The following IL1RAPL2 variants were observed in gnomAD, a reference collection of about 807,000 sequenced individuals.
The protein encoded by IL1RAPL2 is interleukin 1 receptor accessory protein like 2.
In IL1RAPL2, 3 loss-of-function variants were observed where a neutral mutation model predicts 44.1. The ratio of observed to expected loss-of-function variants is 0.07; its 90% CI spans 0.03 to 0.18. The LOEUF (loss-of-function observed/expected upper bound fraction) is 0.18, where lower values mean the gene tolerates loss of function less well. IL1RAPL2 is among the 10% of genes least tolerant of loss of function. The pLI, the probability that IL1RAPL2 is intolerant of heterozygous loss-of-function variation, is 1.00. For synonymous variants in IL1RAPL2, 181 were observed against 178.8 expected (o/e 1.01, Z -0.10); for missense variants, 391 against 496.4 (o/e 0.79, Z 2.02).
chrX:105,538,947 TA>T (rs1376052678), intron 6 of IL1RAPL2, among the ~76,000 whole-genome samples: 3 of 110,054 alleles, frequency 2.7e-5, no homozygotes, highest in South Asian at 3.9e-4. Context: ...ACAATATCCA[TA>T]AAAAGAATAA....
intron 5 of IL1RAPL2, among the ~76,000 whole-genome samples, chrX:105,455,048 T>C (rs2036045714): frequency 8.9e-6 from 1 of 111,804 alleles, no homozygotes; most frequent in Non-Finnish European, 1.9e-5. Flanking sequence ...TACTTTAAGA[T>C]ACATATATAG....
chrX:104,651,042 C>T (rs765551116), intron 1 of IL1RAPL2, among the ~76,000 whole-genome samples: 1 of 112,104 alleles, frequency 8.9e-6, no homozygotes, highest in South Asian at 3.7e-4. Flanking sequence ...GTCTGGCCCA[C>T]ACAAAGTGCT....
intron 2 of IL1RAPL2, among the ~76,000 whole-genome samples, chrX:104,883,932 C>T (rs1277484236): frequency 8.9e-6 from 1 of 112,090 alleles, no homozygotes; most frequent in Non-Finnish European, 1.9e-5. Flanking sequence ...GATCCCTCCC[C>T]TCCCTCAGGG....
chrX:104,622,063 C>G (rs1033863910), intron 1 of IL1RAPL2, among the ~76,000 whole-genome samples: 3 of 110,028 alleles, frequency 2.7e-5, no homozygotes. Context: ...GTATCTCATG[C>G]GAGAAGTTTT....
At chrX:105,050,236 A>G (rs372750843) in intron 2 of IL1RAPL2, among the ~76,000 whole-genome samples, 11 of 112,118 alleles carry the variant, frequency 9.8e-5, no homozygotes, top group African/African-American at 3.6e-4. Flanking sequence ...GTGAATTCCA[A>G]TATCTCATCT....
intron 6 of IL1RAPL2, among the ~76,000 whole-genome samples, chrX:105,633,176 C>A (rs2037502487): frequency 1.8e-5 from 2 of 111,752 alleles, no homozygotes; most frequent in African/African-American, 3.3e-5. Flanking sequence ...GTAAACATTT[C>A]TTTACTGTTA....
At chrX:105,704,108 G>A (rs888996234) in intron 6 of IL1RAPL2, among the ~76,000 whole-genome samples, 1 of 111,354 alleles carries the variant, frequency 9.0e-6, no homozygotes, top group Non-Finnish European at 1.9e-5. Context: ...GTATAGTAAG[G>A]GAAGTTAGCA....
chrX:105,604,334 A>G (rs1381656877), intron 6 of IL1RAPL2, among the ~76,000 whole-genome samples: 1 of 111,416 alleles, frequency 9.0e-6, no homozygotes, highest in Non-Finnish European at 1.9e-5. Context: ...CTTATACCAC[A>G]CAAATGCAAA....
intron 5 of IL1RAPL2, among the ~76,000 whole-genome samples, chrX:105,291,009 TA>T (rs1391934467): frequency 9.0e-6 from 1 of 110,859 alleles, no homozygotes; most frequent in Non-Finnish European, 1.9e-5. Flanking sequence ...TAGCCCCTCA[TA>T]AAGGCCATTT....
In IL1RAPL2 at chrX:105,030,203, C is replaced by A. The variant is rs192700199; in HGVS notation, c.83-165272C>A. Among the ~76,000 whole-genome samples, 12 of 111,452 alleles carry A rather than the reference C, an allele frequency of 1.1e-4. No homozygotes were observed. In the East Asian group the frequency reaches 3.4e-3, roughly 31 times the overall value. On this transcript the variant is annotated intron_variant, in intron 2 of 10. Coordinates refer to ENST00000372582, the MANE Select transcript of IL1RAPL2 (RefSeq NM_017416.2). ...TCTCCCATCCTGTAAGTTGCCTGTT[C>A]ACTCTGATGGTAGTTTCTTTTGCTG...
At chrX:105,752,100 C>A (rs771069265) in intron 9 of IL1RAPL2, among the ~76,000 whole-genome samples, 1 of 111,771 alleles carries the variant, frequency 8.9e-6, no homozygotes, top group East Asian at 2.8e-4. Context: ...TTTATTTAAC[C>A]TTTCAGTTTT....
At chrX:104,772,905 A>C (rs769977729) in intron 2 of IL1RAPL2, among the ~76,000 whole-genome samples, 10 of 110,908 alleles carry the variant, frequency 9.0e-5, no homozygotes, top group Middle Eastern at 4.7e-3. Flanking sequence ...AGGAAGTACA[A>C]TTTTTTCTTT....
At chrX:104,616,489 A>G (rs5962958) in intron 1 of IL1RAPL2, among the ~76,000 whole-genome samples, 16,901 of 111,685 alleles carry the variant, frequency 0.15, 3,159 homozygotes, top group African/African-American at 0.53. Flanking sequence ...TAGGACTAAC[A>G]TTAGCCACAA....
rs1038226383 is a variant in IL1RAPL2 at position 105,040,109 on chromosome X, A to C, written c.83-155366A>C. Among the ~76,000 whole-genome samples, 8 of 111,147 alleles carry C rather than the reference A, an allele frequency of 7.2e-5. No homozygotes were observed. The Admixed American group carries it at 7.7e-4, about 11-fold the overall frequency. ...GCATGAAGGGTTGTTGAATTTTGTC[A>C]AAGGCCTTTTCTGCATCTATTGAGA... On this transcript the variant is annotated intron_variant, in intron 2 of 10. Coordinates refer to ENST00000372582, the MANE Select transcript of IL1RAPL2 (RefSeq NM_017416.2).
intron 6 of IL1RAPL2, among the ~76,000 whole-genome samples, chrX:105,566,789 A>T (rs1265508249): frequency 9.0e-6 from 1 of 111,725 alleles, no homozygotes; most frequent in Non-Finnish European, 1.9e-5. Context: ...AGGGAAACAG[A>T]CTAGAATGCA....
At chrX:105,520,885 A>C (rs1313735918) in intron 6 of IL1RAPL2, among the ~76,000 whole-genome samples, 2 of 107,978 alleles carry the variant, frequency 1.9e-5, no homozygotes, top group Non-Finnish European at 3.8e-5. Flanking sequence ...ATCTTAGCCA[A>C]AAGGCTTAGA....
At chrX:104,684,606 C>G (rs1016345175) in intron 2 of IL1RAPL2, among the ~76,000 whole-genome samples, 1 of 112,145 alleles carries the variant, frequency 8.9e-6, no homozygotes, top group African/African-American at 3.2e-5. Context: ...GAAGAGCTTG[C>G]GCTGTGGCTT....
chrX:105,362,635 A>G (rs1361242617), intron 5 of IL1RAPL2, among the ~76,000 whole-genome samples: 1 of 111,072 alleles, frequency 9.0e-6, no homozygotes, highest in Non-Finnish European at 1.9e-5. Context: ...AATATCGCTT[A>G]TGCCTTCTAA....
intron 2 of IL1RAPL2, among the ~76,000 whole-genome samples, chrX:104,850,848 G>GT (rs1033273374): frequency 3.6e-5 from 4 of 110,999 alleles, no homozygotes; most frequent in East Asian, 2.8e-4. Flanking sequence ...GTTGGTTGTA[G>GT]TTTTTTTTAA....
Sources: gnomAD v4.1 joint callset for allele counts (sites outside exome capture counted in the v4.1 genomes callset) on GRCh38, gnomAD v4.1.1 for gene constraint, MANE v1.5 for transcripts, NCBI Gene and HGNC (gene_info 2026-07-23, HGNC 2026-07-21) for gene names.